The following POU2F1 variants were observed in gnomAD, a reference collection of about 807,000 sequenced individuals.
POU2F1 encodes POU class 2 homeobox 1, also known as POU domain, class 2, transcription factor 1.
POU2F1 carries 16 observed loss-of-function variants against 84.9 expected under a neutral mutation model. The observed-to-expected ratio is 0.19, with a 90% CI of 0.13 to 0.29. The LOEUF is 0.29. POU2F1 is among the 10% of genes least tolerant of loss of function. The probability of loss-of-function intolerance (pLI) is 1.00; values close to 1 mark genes in which losing one functional copy is unlikely to be tolerated. For missense variants in POU2F1, 738 were observed against 942.6 expected (o/e 0.78, Z 2.84); for synonymous variants, 368 against 368.3 (o/e 1.00, Z 0.01).
intron 9 of POU2F1, among the ~76,000 whole-genome samples, chr1:167,395,007 A>C (rs1648700921): frequency 6.6e-6 from 1 of 152,204 alleles, no homozygotes; most frequent in Non-Finnish European, 1.5e-5. Flanking sequence ...GTCTCATAGT[A>C]GGATTAGTTG....
intron 9 of POU2F1, among the ~76,000 whole-genome samples, chr1:167,392,186 C>T (rs539289627): frequency 4.0e-5 from 6 of 151,820 alleles, no homozygotes; most frequent in South Asian, 2.1e-4. Context: ...CCCGTCTCTA[C>T]TAAAAAATAC....
intron 2 of POU2F1, among the ~76,000 whole-genome samples, chr1:167,336,597 C>G (rs991504505): frequency 6.6e-6 from 1 of 151,848 alleles, no homozygotes; most frequent in Admixed American, 6.6e-5. Flanking sequence ...TTATAGTTGC[C>G]ATCCATTTCA....
At chr1:167,305,183 T>C (rs1337799521) in intron 1 of POU2F1, among the ~76,000 whole-genome samples, 5 of 151,758 alleles carry the variant, frequency 3.3e-5, no homozygotes, top group African/African-American at 1.2e-4. Context: ...ACACAGAGAA[T>C]GTAGGCAATT....
At chr1:167,414,224 T>C (rs1189231686) in intron 15 of POU2F1, 12 of 709,072 alleles carry the variant, frequency 1.7e-5, no homozygotes, top group Non-Finnish European at 1.9e-5. Context: ...GCTTTTGTTA[T>C]ATAATAATTT....
intron 1 of POU2F1, among the ~76,000 whole-genome samples, chr1:167,274,330 G>C (rs1652574094): frequency 6.6e-6 from 1 of 152,182 alleles, no homozygotes; most frequent in East Asian, 1.9e-4. Flanking sequence ...CCTGAGTAGA[G>C]AATGAAACTA....
chr1:167,329,325 C>G, intron 1 of POU2F1: 1 of 1,546,422 alleles, frequency 6.5e-7, no homozygotes, highest in African/African-American at 1.4e-5. Flanking sequence ...CAGCACAGTT[C>G]TTTTCTTAGA....
chr1:167,415,398 T>C, intron 15 of POU2F1, 102 bp from the exon 16 acceptor site: 2 of 1,287,874 alleles, frequency 1.6e-6, no homozygotes, highest in South Asian at 1.4e-5. Context: ...TTTTTCCTGG[T>C]GGGTTGTAGG....
rs545903643 is a variant in POU2F1 at position 167,421,506 on chromosome 1, A to T, written c.*5696A>T. 6.6e-5 allele frequency: 10 copies of T among 152,304 alleles called. No homozygotes were observed. In the East Asian group the frequency reaches 7.7e-4, roughly 12 times the overall value. The allele number at this position is 152,304 out of a possible 1,614,324, so 9.4% of individuals were successfully genotyped here. The stretch of plus-strand genomic sequence containing the variant: ...TGTGAACTGTAGCTTTTAAAAAAAA[A>T]TTTTGTAGTTTTCTTCTAACCTTAT... On this transcript the variant is annotated 3_prime_UTR_variant, in exon 16 of 16. Coordinates refer to ENST00000367866, the MANE Select transcript of POU2F1 (RefSeq NM_002697.4).
At chr1:167,332,436 T>C in intron 1 of POU2F1, 34 bp from the exon 2 acceptor site, 1 of 1,565,392 alleles carries the variant, frequency 6.4e-7, no homozygotes. Context: ...TCCCCAGTTT[T>C]TTAAAAACCT....
Position 167,384,051 on chromosome 1 carries a change from C to T in POU2F1, c.813+100C>T, listed in dbSNP as rs116079021. 4.5e-3 allele frequency: 4,575 copies of T among 1,016,458 alleles called. 120 individuals are homozygous for T. In the African/African-American group the frequency reaches 0.064, roughly 14 times the overall value. The allele number at this position is 1,016,458 out of a possible 1,614,324, so 63.0% of individuals were successfully genotyped here. ...TTTTTTAAATCTAATAAAAATAATT[C>T]GGTCTTCGAAAACTGACCAGAAAAT... is the stretch of plus-strand genomic sequence containing the variant. On this transcript the variant is annotated intron_variant, in intron 8 of 15. Transcript: ENST00000367866.
At chr1:167,254,601 A>G (rs1412069811) in intron 1 of POU2F1, among the ~76,000 whole-genome samples, 1 of 152,246 alleles carries the variant, frequency 6.6e-6, no homozygotes, top group Non-Finnish European at 1.5e-5. Flanking sequence ...TACTATTCAG[A>G]GTCTGACTCA....
At chr1:167,222,016 T>A (rs1412748577) in intron 1 of POU2F1, among the ~76,000 whole-genome samples, 2 of 151,872 alleles carry the variant, frequency 1.3e-5, no homozygotes, top group Non-Finnish European at 2.9e-5. Flanking sequence ...CCCTCCCCGC[T>A]GCCCCCCCTC....
At chr1:167,277,475 C>T (rs1009633262) in intron 1 of POU2F1, among the ~76,000 whole-genome samples, 2 of 149,930 alleles carry the variant, frequency 1.3e-5, no homozygotes, top group Non-Finnish European at 2.9e-5. Flanking sequence ...TCCATTTTTA[C>T]GTGTCAACCA....
intron 7 of POU2F1, chr1:167,380,486 G>T (rs1375464416): frequency 6.6e-6 from 1 of 152,182 alleles, no homozygotes; most frequent in East Asian, 1.9e-4. Context: ...CTGCTGCTGA[G>T]TTGCAATCAT....
chr1:167,262,407 G>T (rs1434174901), intron 1 of POU2F1, among the ~76,000 whole-genome samples: 1 of 152,150 alleles, frequency 6.6e-6, no homozygotes, highest in Non-Finnish European at 1.5e-5. Flanking sequence ...TAAAATTGTT[G>T]AGTGTTTTAT....
At chr1:167,264,456 G>A (rs1257023992) in intron 1 of POU2F1, among the ~76,000 whole-genome samples, 1 of 152,124 alleles carries the variant, frequency 6.6e-6, no homozygotes, top group African/African-American at 2.4e-5. Flanking sequence ...GGAGAGTTAA[G>A]GAGGAACCAG....
intron 2 of POU2F1, among the ~76,000 whole-genome samples, chr1:167,361,473 C>T (rs1454892951): frequency 2.6e-5 from 4 of 152,104 alleles, no homozygotes; most frequent in Admixed American, 2.6e-4. Context: ...TAGTTAATCA[C>T]GTACTGATTT....
chr1:167,346,665 T>C (rs1658224809), intron 2 of POU2F1, among the ~76,000 whole-genome samples: 1 of 152,216 alleles, frequency 6.6e-6, no homozygotes, highest in Non-Finnish European at 1.5e-5. Context: ...GTGCCACTGC[T>C]GCTCTGACAG....
chr1:167,397,824 T>C (rs1182598610), intron 10 of POU2F1, among the ~76,000 whole-genome samples, 170 bp from the exon 11 acceptor site: 1 of 152,176 alleles, frequency 6.6e-6, no homozygotes, highest in Admixed American at 6.5e-5. Flanking sequence ...GGATTACAGG[T>C]GTGAACCACC....
Sources: gnomAD v4.1 joint callset for allele counts (sites outside exome capture counted in the v4.1 genomes callset) on GRCh38, gnomAD v4.1.1 for gene constraint, MANE v1.5 for transcripts, NCBI Gene and HGNC (gene_info 2026-07-23, HGNC 2026-07-21) for gene names.